The following ZNF804B variants were observed in gnomAD, a reference collection of about 807,000 sequenced individuals.
The protein encoded by ZNF804B is zinc finger 804B.
In ZNF804B, 80 loss-of-function variants were observed where a neutral mutation model predicts 101.4. That is an observed-to-expected ratio of 0.79 (90% CI 0.66 to 0.95). The LOEUF is 0.95. Ranked by LOEUF, ZNF804B falls within the 40% of genes least tolerant of loss-of-function variation. The pLI is 0.00. For missense variants in ZNF804B, 1,673 were observed against 1,561.9 expected, an observed-to-expected ratio of 1.07 and a Z score of -1.20; for synonymous variants, 622 against 558.8, an observed-to-expected ratio of 1.11 and a Z score of -1.59.
Position 89,231,951 on chromosome 7 carries a change from A to G in ZNF804B, c.249+13656A>G, listed in dbSNP as rs71557038. ...ATGTTCTTTCTTGCACAGAATTCCA[A>G]TGTGGTGTTGAATAAAAGATGCAGA... On this transcript the variant is annotated intron_variant, in intron 2 of 3. Transcript: ENST00000333190. 4.6e-5 allele frequency among the ~76,000 whole-genome samples: 7 copies of G among 152,126 alleles called. No individual in the cohort carries two copies. The South Asian group carries it at 1.4e-3, about 32-fold the overall frequency.
At chr7:89,319,019 C>T (rs1465871217) in intron 2 of ZNF804B, among the ~76,000 whole-genome samples, 6 of 152,178 alleles carry the variant, frequency 3.9e-5, no homozygotes, top group Admixed American at 2.0e-4. Flanking sequence ...AGCAGGAACA[C>T]GCCCTTAAGA....
intron 1 of ZNF804B, among the ~76,000 whole-genome samples, chr7:89,147,788 C>T (rs530536801): frequency 2.2e-4 from 34 of 151,748 alleles, no homozygotes; most frequent in African/African-American, 8.0e-4. Context: ...CTAGGTTGTG[C>T]GTTCCTTATG....
At chr7:88,795,353 T>A (rs868725969) in intron 1 of ZNF804B, among the ~76,000 whole-genome samples, 43 of 151,784 alleles carry the variant, frequency 2.8e-4, no homozygotes, top group South Asian at 8.3e-4. Flanking sequence ...CTATAACTTT[T>A]AAAAAAAAAT....
chr7:89,324,797 C>T (rs1239370497), intron 2 of ZNF804B, among the ~76,000 whole-genome samples: 2 of 151,596 alleles, frequency 1.3e-5, no homozygotes, highest in Non-Finnish European at 1.5e-5. Context: ...TGATTGGATA[C>T]AAAATATTAA....
At chr7:89,007,174 G>T (rs1788378886) in intron 1 of ZNF804B, among the ~76,000 whole-genome samples, 1 of 151,950 alleles carries the variant, frequency 6.6e-6, no homozygotes. Context: ...GATGAGGAAT[G>T]ACGTTTTAAA....
intron 1 of ZNF804B, among the ~76,000 whole-genome samples, chr7:89,210,402 A>G (rs1860719): frequency 0.59 from 89,477 of 151,818 alleles, 26,867 homozygotes; most frequent in African/African-American, 0.63. Context: ...ACATAGGTAA[A>G]CGTGTGCCAT....
chr7:88,996,353 C>T (rs546380419), intron 1 of ZNF804B, among the ~76,000 whole-genome samples: 8 of 152,176 alleles, frequency 5.3e-5, no homozygotes, highest in South Asian at 4.1e-4. Flanking sequence ...TTCAGAAGAA[C>T]GTTGCATTAA....
intron 1 of ZNF804B, among the ~76,000 whole-genome samples, chr7:89,018,810 C>A (rs1046450410): frequency 1.3e-5 from 2 of 151,904 alleles, no homozygotes; most frequent in Admixed American, 1.3e-4. Flanking sequence ...TCTCTAATAA[C>A]CTCTTGCACT....
Position 89,203,334 on chromosome 7 carries a change from G to A in ZNF804B, c.109-14821G>A, listed in dbSNP as rs376375939. 2.6e-5 allele frequency among the ~76,000 whole-genome samples: 4 copies of A among 152,280 alleles called. No individual in the cohort carries two copies. In the East Asian group the frequency reaches 7.7e-4, roughly 29 times the overall value. On this transcript the variant is annotated intron_variant, in intron 1 of 3. Transcript: ENST00000333190. Reference sequence around the variant, plus strand: ...GTATATGTGCATAAACTGATGTACAGAACTTCTTTTTGAGGTTTTCTGACG... The same window carrying A: ...GTATATGTGCATAAACTGATGTACAAAACTTCTTTTTGAGGTTTTCTGACG...
intron 1 of ZNF804B, among the ~76,000 whole-genome samples, chr7:89,194,423 T>C (rs1484156552): frequency 6.6e-6 from 1 of 150,566 alleles, no homozygotes; most frequent in Non-Finnish European, 1.5e-5. Context: ...CTAGGTTTTC[T>C]TCTAGGGTTT....
intron 1 of ZNF804B, among the ~76,000 whole-genome samples, chr7:89,136,748 T>TGA (rs1461721053): frequency 1.8e-5 from 2 of 114,060 alleles, no homozygotes; most frequent in African/African-American, 5.6e-5. Context: ...TGTGTGTGTG[T>TGA]GTGTGTGTGT....
In ZNF804B at chr7:88,920,567, T is replaced by TA. The variant is rs200752108; in HGVS notation, c.108+160484dup. Among the ~76,000 whole-genome samples, 37 of 152,118 alleles carry TA rather than the reference T, an allele frequency of 2.4e-4. No individual in the cohort carries two copies. In the East Asian group the frequency reaches 7.0e-3, roughly 29 times the overall value. On this transcript the variant is annotated intron_variant, in intron 1 of 3. Coordinates refer to ENST00000333190, the MANE Select transcript of ZNF804B (RefSeq NM_181646.5). Reference sequence around the variant, plus strand: ...TATCCTGGGTCATTATCCCGTATTATATTAAAAAAAGAGTTCCAGGCTTCA... The same window carrying TA: ...TATCCTGGGTCATTATCCCGTATTATAATTAAAAAAAGAGTTCCAGGCTTCA...
chr7:89,138,468 G>C (rs989335798), intron 1 of ZNF804B, among the ~76,000 whole-genome samples: 5 of 152,108 alleles, frequency 3.3e-5, no homozygotes, highest in Non-Finnish European at 7.4e-5. Context: ...TCTCAGATGA[G>C]ACTTTGTACT....
intron 1 of ZNF804B, among the ~76,000 whole-genome samples, chr7:88,908,850 C>T (rs1792509178): frequency 6.6e-6 from 1 of 151,678 alleles, no homozygotes; most frequent in Non-Finnish European, 1.5e-5. Context: ...TGATTAGATG[C>T]AAGTTTGCTT....
At chr7:88,867,381 G>A (rs975485408) in intron 1 of ZNF804B, among the ~76,000 whole-genome samples, 5 of 152,230 alleles carry the variant, frequency 3.3e-5, no homozygotes, top group Non-Finnish European at 5.9e-5. Flanking sequence ...AAGCCACAGA[G>A]TCCAAAGACC....
At chr7:89,154,965 G>A (rs760690243) in intron 1 of ZNF804B, among the ~76,000 whole-genome samples, 3 of 151,766 alleles carry the variant, frequency 2.0e-5, no homozygotes, top group Admixed American at 6.6e-5. Flanking sequence ...CCCATGATGC[G>A]ATTATTACAT....
At chr7:89,009,729 T>G (rs1788426008) in intron 1 of ZNF804B, among the ~76,000 whole-genome samples, 1 of 152,190 alleles carries the variant, frequency 6.6e-6, no homozygotes, top group African/African-American at 2.4e-5. Context: ...AACCAGAAAG[T>G]GGGACCTCAT....
intron 2 of ZNF804B, among the ~76,000 whole-genome samples, chr7:89,263,970 G>C (rs903227150): frequency 6.6e-6 from 1 of 152,036 alleles, no homozygotes; most frequent in Admixed American, 6.6e-5. Flanking sequence ...AATTAATAAA[G>C]GTATCTTCTT....
At chr7:88,857,492 C>A (rs1340213143) in intron 1 of ZNF804B, among the ~76,000 whole-genome samples, 1 of 152,094 alleles carries the variant, frequency 6.6e-6, no homozygotes, top group African/African-American at 2.4e-5. Context: ...CAACTCTACA[C>A]AAAAAAACTA....
Sources: gnomAD v4.1 joint callset for allele counts (sites outside exome capture counted in the v4.1 genomes callset) on GRCh38, gnomAD v4.1.1 for gene constraint, MANE v1.5 for transcripts, NCBI Gene and HGNC (gene_info 2026-07-23, HGNC 2026-07-21) for gene names.